CD274: variants seen among roughly 807,000 people sequenced by gnomAD.
CD274 encodes the protein CD274 molecule.
Under a neutral mutation model 30.1 loss-of-function variants are expected in CD274, and 8 were observed. That is an observed-to-expected ratio of 0.27 (90% confidence interval 0.16 to 0.48). CD274 has a LOEUF of 0.48. Ranked by LOEUF, CD274 falls within the 20% of genes least tolerant of loss-of-function variation. The probability of loss-of-function intolerance (pLI) is 0.99; values close to 1 mark genes in which losing one functional copy is unlikely to be tolerated. For synonymous variants in CD274, 152 were observed against 124.6 expected (o/e 1.22, Z -1.46); for missense variants, 353 against 346.6 (o/e 1.02, Z -0.15).
intron 3 of CD274, among the ~76,000 whole-genome samples, chr9:5,460,809 G>A (rs984496704): frequency 6.6e-6 from 1 of 152,092 alleles, no homozygotes; most frequent in South Asian, 2.1e-4. Context: ...CATCTCATCT[G>A]TAAAACATTT....
chr9:5,458,526 T>C (rs1819346904), intron 3 of CD274, among the ~76,000 whole-genome samples: 1 of 152,246 alleles, frequency 6.6e-6, no homozygotes, highest in Non-Finnish European at 1.5e-5. Flanking sequence ...TTTCCATTCC[T>C]GGGCTAACTA....
chr9:5,464,218 C>T (rs1288022935), intron 4 of CD274, among the ~76,000 whole-genome samples: 3 of 152,130 alleles, frequency 2.0e-5, no homozygotes, highest in Non-Finnish European at 2.9e-5. Context: ...TAGTGGGTTC[C>T]TGCCATTTAC....
chr9:5,452,123 TCTC>T (rs1272786678), intron 1 of CD274, among the ~76,000 whole-genome samples: 1 of 151,298 alleles, frequency 6.6e-6, no homozygotes, highest in Non-Finnish European at 1.5e-5. Context: ...TTCAAGTGAT[TCTC>T]CTGCCTCAGC....
Position 5,461,997 on chromosome 9 carries a change from C to T in CD274, c.395-837C>T, listed in dbSNP as rs191800617. ...AGTTTAGTTATTAATAATGTACTAA[C>T]GTCCTTAGTTATGACGATTGTACCA... On this transcript the variant is annotated intron_variant, in intron 3 of 6. Coordinates refer to ENST00000381577, the MANE Select transcript of CD274 (RefSeq NM_014143.4). Among the ~76,000 whole-genome samples, 24 of 152,240 alleles carry T rather than the reference C, an allele frequency of 1.6e-4. No homozygotes were observed. The East Asian group carries it at 2.7e-3, about 17-fold the overall frequency.
chr9:5,465,086 CAAAAA>C (rs1263982025), intron 4 of CD274, among the ~76,000 whole-genome samples: 2 of 84,344 alleles, frequency 2.4e-5, no homozygotes. Context: ...GACTCTGCCT[CAAAAA>C]AAAAAAAAAA....
At position 5,470,076 on chromosome 9, in the gene CD274, T is replaced by C. The variant is rs749617704; in HGVS notation, c.*2214T>C. ...AAGAGGCTTCCTGGAGGTTTCGAGA[T>C]TCAGATGCCCTGGGAGATCCCAGAG... On this transcript the variant is annotated 3_prime_UTR_variant, in exon 7 of 7. Coordinates refer to ENST00000381577, the MANE Select transcript of CD274 (RefSeq NM_014143.4). The C allele has an allele frequency of 1.3e-5, 3 of 232,998 alleles. No homozygotes were observed. Among genetic ancestry groups the C allele is most frequent in the Admixed American group, 5.6e-5 (1 of 17,778 alleles). The allele number at this position is 232,998 out of a possible 1,614,324, so 14.4% of individuals were successfully genotyped here.
chr9:5,467,525 C>T (rs774372960), intron 6 of CD274, among the ~76,000 whole-genome samples: 2 of 152,144 alleles, frequency 1.3e-5, no homozygotes, highest in Non-Finnish European at 2.9e-5. Context: ...AAGTTTAAAG[C>T]AGTCTAATTA....
intron 1 of CD274, among the ~76,000 whole-genome samples, chr9:5,453,710 T>C (rs1819247984): frequency 6.6e-6 from 1 of 152,214 alleles, no homozygotes; most frequent in Non-Finnish European, 1.5e-5. Context: ...TTTTAAAAGA[T>C]TACAGGGAAA....
chr9:5,455,345 A>G (rs1477489640), intron 1 of CD274, among the ~76,000 whole-genome samples: 1 of 152,178 alleles, frequency 6.6e-6, no homozygotes. Context: ...GAGGTGCTCA[A>G]TCAGTGTTTG....
chr9:5,463,900 A>C (rs1412957528), intron 4 of CD274, among the ~76,000 whole-genome samples: 1 of 132,818 alleles, frequency 7.5e-6, no homozygotes, highest in Non-Finnish European at 1.7e-5. Flanking sequence ...TGGGAGACAG[A>C]GTCTGATGAG....
intron 6 of CD274, 119 bp from the exon 7 acceptor site, chr9:5,467,721 C>T: frequency 1.1e-6 from 1 of 873,122 alleles, no homozygotes; most frequent in South Asian, 1.4e-5. Context: ...TGCTTTCTCT[C>T]ATTTCAAATT....
Position 5,468,757 on chromosome 9 carries a change from A to C in CD274, c.*895A>C, listed in dbSNP as rs1819538733. On this transcript the variant is annotated 3_prime_UTR_variant, in exon 7 of 7. Coordinates refer to ENST00000381577, the MANE Select transcript of CD274 (RefSeq NM_014143.4). ...GTACAGCTGAGGAAGCAAACAGATT[A>C]AGTAACTTGCCCAAACCAGTAAATA... 1 of 233,114 alleles carries C rather than the reference A, an allele frequency of 4.3e-6. No homozygotes were observed. The highest frequency in any genetic ancestry group is 2.2e-5 in the African/African-American group (1 of 45,472). The allele number at this position is 233,114 out of a possible 1,614,324, so 14.4% of individuals were successfully genotyped here. A position where few individuals can be genotyped will look rare whatever the true frequency, so the allele number is the denominator to read the frequency against.
chr9:5,455,337 G>A (rs1167915968), intron 1 of CD274, among the ~76,000 whole-genome samples: 1 of 152,090 alleles, frequency 6.6e-6, no homozygotes, highest in African/African-American at 2.4e-5. Flanking sequence ...GCACAGAAGA[G>A]GTGCTCAATC....
chr9:5,467,765 T>C (rs1819520933), intron 6 of CD274, 75 bp from the exon 7 acceptor site: 1 of 1,190,164 alleles, frequency 8.4e-7, no homozygotes, highest in Non-Finnish European at 1.3e-6. Context: ...ATGAGTTATG[T>C]TTTTTATTAG....
At chr9:5,450,815 T>C (rs957560683) in intron 1 of CD274, among the ~76,000 whole-genome samples, 1 of 152,248 alleles carries the variant, frequency 6.6e-6, no homozygotes, top group African/African-American at 2.4e-5. Context: ...GATTCAGTTT[T>C]GCTCTAAAAA....
chr9:5,457,130 A>C lies in CD274; in HGVS notation c.104A>C (p.Asn35Thr), dbSNP rs780953696. 1.9e-6 allele frequency: 3 copies of C among 1,613,948 alleles called. No homozygotes were observed. Among genetic ancestry groups the C allele is most frequent in the Non-Finnish European group, 2.5e-6 (3 of 1,179,904 alleles). The change falls in exon 3 of 7, where the codon AAT becomes ACT. Residue 35 changes from asparagine to threonine, a missense_variant. Transcript: ENST00000381577. ...KDLYVVEYGS[N>T]MTIECKFPVE... is the part of the protein sequence containing the mutation. ...CTATATGTGGTAGAGTATGGTAGCA[A>C]TATGACAATTGAATGCAAATTCCCA...
intron 4 of CD274, 108 bp from the exon 5 acceptor site, chr9:5,465,391 A>T (rs1027322322): frequency 1.1e-5 from 7 of 639,288 alleles, no homozygotes; most frequent in Non-Finnish European, 1.9e-5. Context: ...GCATTTAAGA[A>T]AATTATCCTA....
intron 1 of CD274, among the ~76,000 whole-genome samples, chr9:5,454,228 GA>G (rs1819260172): frequency 6.6e-6 from 1 of 151,754 alleles, no homozygotes; most frequent in Admixed American, 6.6e-5. Flanking sequence ...CTTTCACTTG[GA>G]AATTTGGACA....
chr9:5,467,722 A>G (rs1819520421), intron 6 of CD274, 118 bp from the exon 7 acceptor site: 1 of 883,544 alleles, frequency 1.1e-6, no homozygotes, highest in Non-Finnish European at 1.9e-6. Context: ...GCTTTCTCTC[A>G]TTTCAAATTT....
Sources: gnomAD v4.1 joint callset for allele counts (sites outside exome capture counted in the v4.1 genomes callset) on GRCh38, gnomAD v4.1.1 for gene constraint, MANE v1.5 for transcripts, NCBI Gene and HGNC (gene_info 2026-07-23, HGNC 2026-07-21) for gene names.